The following MALRD1 variants were observed in gnomAD, a reference collection of about 807,000 sequenced individuals.
The protein encoded by MALRD1 is MAM and LDL-receptor class A domain-containing protein 1.
Under a neutral mutation model 242.1 loss-of-function variants are expected in MALRD1, and 247 were observed. The ratio of observed to expected loss-of-function variants is 1.02; its 90% CI spans 0.92 to 1.13. The LOEUF is 1.13. Among genes scored for constraint, MALRD1 ranks in the 50% most tolerant of loss-of-function variants. The pLI is 0.00. For synonymous variants in MALRD1, 995 were observed against 866.6 expected, an observed-to-expected ratio of 1.15 and a Z score of -2.60; for missense variants, 2,989 against 2,533.1, an observed-to-expected ratio of 1.18 and a Z score of -3.86.
At chr10:19,442,553 C>CT (rs1031037253) in intron 28 of MALRD1, among the ~76,000 whole-genome samples, 16 of 152,094 alleles carry the variant, frequency 1.1e-4, no homozygotes, top group African/African-American at 2.9e-4. Context: ...TGTCAAAGGC[C>CT]TTTTTTGCAT....
chr10:19,308,398 T>C (rs1842308215), intron 21 of MALRD1, among the ~76,000 whole-genome samples: 1 of 151,468 alleles, frequency 6.6e-6, no homozygotes, highest in African/African-American at 2.4e-5. Context: ...CATTCTACAG[T>C]GATGTAAAAT....
chr10:19,537,635 T>C (rs895134460), intron 32 of MALRD1, among the ~76,000 whole-genome samples: 7 of 152,216 alleles, frequency 4.6e-5, no homozygotes, highest in Admixed American at 2.0e-4. Flanking sequence ...AGTAATTACT[T>C]ATCATGGGAA....
At chr10:19,210,374 A>G (rs78641088) in intron 18 of MALRD1, among the ~76,000 whole-genome samples, 9,937 of 152,266 alleles carry the variant, frequency 0.065, 434 homozygotes, top group Middle Eastern at 0.11. Context: ...CTGACTGTTT[A>G]TCCCTGGCCA....
chr10:19,355,028 C>T (rs905607543), intron 26 of MALRD1, among the ~76,000 whole-genome samples: 1 of 152,056 alleles, frequency 6.6e-6, no homozygotes, highest in African/African-American at 2.4e-5. Context: ...AATTTGGAAC[C>T]ACACTTAGAG....
chr10:19,426,135 C>A (rs1428077653), intron 28 of MALRD1, among the ~76,000 whole-genome samples: 1 of 152,058 alleles, frequency 6.6e-6, no homozygotes, highest in African/African-American at 2.4e-5. Context: ...CTTCCATATG[C>A]CAAGCATCAT....
intron 36 of MALRD1, among the ~76,000 whole-genome samples, chr10:19,624,012 C>A (rs1653802573): frequency 6.6e-6 from 1 of 152,192 alleles, no homozygotes; most frequent in East Asian, 1.9e-4. Context: ...CTTGAATAAG[C>A]AACATATTCT....
chr10:19,719,252 AT>A (rs1834626261), intron 38 of MALRD1, among the ~76,000 whole-genome samples: 1 of 134,176 alleles, frequency 7.5e-6, no homozygotes, highest in Admixed American at 7.8e-5. Context: ...ATATATATAT[AT>A]ATATATGCTA....
chr10:19,595,177 C>G lies in MALRD1; in HGVS notation c.5681-17C>G. On this transcript the variant is annotated splice_polypyrimidine_tract_variant and intron_variant, in intron 33 of 39. Coordinates refer to ENST00000454679, the MANE Select transcript of MALRD1 (RefSeq NM_001142308.3). ...ACTCCCTAATGCCAAAATAACTTGA[C>G]TTGCTCTCTTTTTTAGGTCCTGTCC... The G allele has an allele frequency of 6.5e-7, 1 of 1,540,136 alleles. No individual in the cohort carries two copies. The highest frequency in any genetic ancestry group is 8.8e-7 in the Non-Finnish European group (1 of 1,140,002).
chr10:19,429,666 A>G (rs188968446), intron 28 of MALRD1, among the ~76,000 whole-genome samples: 5 of 152,228 alleles, frequency 3.3e-5, no homozygotes, highest in Non-Finnish European at 7.4e-5. Flanking sequence ...ATAGCCCCCA[A>G]TATTCTCAGC....
intron 31 of MALRD1, among the ~76,000 whole-genome samples, chr10:19,511,843 C>T (rs1209697336): frequency 6.6e-6 from 1 of 151,772 alleles, no homozygotes; most frequent in African/African-American, 2.4e-5. Context: ...AAAAGAAACA[C>T]AGAGAAAAAA....
chr10:19,234,716 T>G (rs1838227626), intron 18 of MALRD1, among the ~76,000 whole-genome samples: 1 of 152,166 alleles, frequency 6.6e-6, no homozygotes, highest in African/African-American at 2.4e-5. Context: ...CTCCAGACAC[T>G]ATGCCACTTG....
chr10:19,562,922 A>C (rs1836055160), intron 32 of MALRD1, among the ~76,000 whole-genome samples: 1 of 152,168 alleles, frequency 6.6e-6, no homozygotes, highest in African/African-American at 2.4e-5. Context: ...CTGGCACCCC[A>C]TCCGTGGAAA....
intron 5 of MALRD1, among the ~76,000 whole-genome samples, chr10:19,122,758 C>T (rs1184951415): frequency 6.6e-6 from 1 of 152,042 alleles, no homozygotes; most frequent in Non-Finnish European, 1.5e-5. Context: ...TGGAGTCTCA[C>T]TCTGTCACCC....
intron 5 of MALRD1, among the ~76,000 whole-genome samples, chr10:19,115,301 G>A (rs1387677209): frequency 6.6e-6 from 1 of 152,060 alleles, no homozygotes; most frequent in Non-Finnish European, 1.5e-5. Flanking sequence ...TTGGAGAGGA[G>A]GTGTCTAGAG....
chr10:19,460,946 T>G (rs1012748109), intron 29 of MALRD1, among the ~76,000 whole-genome samples: 1 of 152,212 alleles, frequency 6.6e-6, no homozygotes, highest in East Asian at 1.9e-4. Flanking sequence ...ATCTGCTGTA[T>G]GTTGGTGCTA....
chr10:19,252,124 G>A (rs551656894), intron 18 of MALRD1, among the ~76,000 whole-genome samples: 1 of 152,148 alleles, frequency 6.6e-6, no homozygotes, highest in South Asian at 2.1e-4. Flanking sequence ...AATAAAGTAG[G>A]TGAAGTTTAA....
chr10:19,251,366 C>G (rs972688226), intron 18 of MALRD1, among the ~76,000 whole-genome samples: 1 of 151,956 alleles, frequency 6.6e-6, no homozygotes, highest in African/African-American at 2.4e-5. Flanking sequence ...CTTGCCACCT[C>G]TCTTTCTCTG....
intron 36 of MALRD1, among the ~76,000 whole-genome samples, chr10:19,658,225 A>G (rs1453542521): frequency 6.6e-6 from 1 of 152,112 alleles, no homozygotes; most frequent in Non-Finnish European, 1.5e-5. Context: ...TCCATTATAC[A>G]TTCATTAAGT....
intron 21 of MALRD1, among the ~76,000 whole-genome samples, chr10:19,296,953 C>T (rs1324050456): frequency 6.6e-6 from 1 of 151,716 alleles, no homozygotes; most frequent in Non-Finnish European, 1.5e-5. Flanking sequence ...CAGATTGGCT[C>T]ATAGAAAGCT....
Sources: allele counts gnomAD v4.1 joint callset (sites outside exome capture counted in the v4.1 genomes callset), GRCh38; gene constraint gnomAD v4.1.1; transcripts MANE v1.5; gene names NCBI Gene and HGNC (gene_info 2026-07-23, HGNC 2026-07-21).